Variants in FOXK1 observed in about 807,000 individuals in gnomAD.
The protein encoded by FOXK1 is forkhead box K1, also known as forkhead box protein K1.
In FOXK1, 19 loss-of-function variants were observed where a neutral mutation model predicts 51.9. The observed-to-expected ratio is 0.37, with a 90% CI of 0.26 to 0.54. The LOEUF (loss-of-function observed/expected upper bound fraction) is 0.54, where lower values mean the gene tolerates loss of function less well. FOXK1 is among the 20% of genes least tolerant of loss of function. FOXK1 has a pLI of 0.87. For synonymous variants in FOXK1, 537 were observed against 482.6 expected (o/e 1.11, Z -1.48); for missense variants, 870 against 1,032.7 (o/e 0.84, Z 2.16).
intron 1 of FOXK1, among the ~76,000 whole-genome samples, chr7:4,702,066 C>G (rs927953917): frequency 3.9e-5 from 6 of 152,124 alleles, no homozygotes; most frequent in African/African-American, 1.4e-4. Flanking sequence ...CAGAGCAAGA[C>G]CCTGTCTCAA....
rs1350796135 is a variant in FOXK1 at position 4,703,689 on chromosome 7, C to T, written c.560+20821C>T. On this transcript the variant is annotated intron_variant, in intron 1 of 8. Transcript: ENST00000328914. The surrounding 1 kb of genome is among the most constrained non-coding windows in gnomAD (Gnocchi z 5.6). ...GTAGAGCTGCAGCTGGGGACTGGTG[C>T]GCCATGCAATTGACATAGCGCTGCT... 1.3e-5 allele frequency among the ~76,000 whole-genome samples: 2 copies of T among 152,150 alleles called. No individual in the cohort carries two copies. Among genetic ancestry groups the T allele is most frequent in the African/African-American group, 2.4e-5 (1 of 41,438 alleles).
At chr7:4,720,010 T>C (rs1483279736) in intron 1 of FOXK1, among the ~76,000 whole-genome samples, 1 of 152,222 alleles carries the variant, frequency 6.6e-6, no homozygotes, top group Admixed American at 6.5e-5. Flanking sequence ...TGACGTCCGA[T>C]GTGTTGAGTT....
chr7:4,721,589 CTTTTT>C (rs200132324), intron 1 of FOXK1, among the ~76,000 whole-genome samples: 5 of 112,654 alleles, frequency 4.4e-5, no homozygotes, highest in African/African-American at 2.0e-4. Flanking sequence ...TCTTTTTTTT[CTTTTT>C]TTTTTTTTTT....
At chr7:4,691,665 G>T (rs1429664123) in intron 1 of FOXK1, among the ~76,000 whole-genome samples, 5 of 152,112 alleles carry the variant, frequency 3.3e-5, no homozygotes, top group Non-Finnish European at 7.4e-5. Flanking sequence ...TGATTAAGAA[G>T]AATCTCGTCT....
Position 4,683,692 on chromosome 7 carries a change from C to T in FOXK1, c.560+824C>T, listed in dbSNP as rs1779782502. Among the ~76,000 whole-genome samples, 3 of 152,102 alleles carry T rather than the reference C, an allele frequency of 2.0e-5. No individual in the cohort carries two copies. The highest frequency in any genetic ancestry group is 6.6e-5 in the Admixed American group (1 of 15,264). On this transcript the variant is annotated intron_variant, in intron 1 of 8. Coordinates refer to ENST00000328914, the MANE Select transcript of FOXK1 (RefSeq NM_001037165.2). The surrounding 1 kb of genome is among the most constrained non-coding windows in gnomAD (Gnocchi z 4.5). The stretch of plus-strand genomic sequence containing the variant: ...AAGTCACCCCAGTGCCTGATGCCTG[C>T]CGTCCTGGACCCCAGTGGCTACCCC...
intron 1 of FOXK1, among the ~76,000 whole-genome samples, chr7:4,700,975 G>A (rs1337790835): frequency 6.6e-6 from 1 of 152,218 alleles, no homozygotes; most frequent in African/African-American, 2.4e-5. Flanking sequence ...GGTTGTTGCA[G>A]GGCAGTGGGA....
chr7:4,728,882 C>G (rs1350093702), intron 1 of FOXK1, among the ~76,000 whole-genome samples: 1 of 152,156 alleles, frequency 6.6e-6, no homozygotes, highest in African/African-American at 2.4e-5. Context: ...TGCAGATAAA[C>G]CAGCGTCTGG....
chr7:4,724,778 T>G (rs1455172516), intron 1 of FOXK1, among the ~76,000 whole-genome samples: 4 of 152,172 alleles, frequency 2.6e-5, no homozygotes, highest in Non-Finnish European at 5.9e-5. Context: ...TATGTTTCCA[T>G]TCCAGAGGGG....
At position 4,754,468 on chromosome 7, in the gene FOXK1, C is replaced by T. The variant is rs1336156801; in HGVS notation, c.756C>T (p.Asn252=). 1 of 1,612,984 alleles carries T rather than the reference C, an allele frequency of 6.2e-7. No individual in the cohort carries two copies. Among genetic ancestry groups the T allele is most frequent in the Non-Finnish European group, 8.5e-7 (1 of 1,179,980 alleles). ...PSPTGTISVP[N]SCPASPRGAG... ...CCTTCTCTCTCCTCAGTGTCCCCAA[C>T]TCCTGCCCAGCCAGTCCACGCGGTG... Residue 252 remains asparagine (N), a synonymous_variant, in exon 3 of 9, where the codon AAC becomes AAT. Transcript: ENST00000328914.
intron 7 of FOXK1, chr7:4,759,829 G>C: frequency 3.4e-6 from 2 of 589,484 alleles, no homozygotes; most frequent in Non-Finnish European, 5.9e-6. Context: ...TCCGGAGTTC[G>C]AGGTCAGCCT....
chr7:4,713,782 A>AC (rs889360243), intron 1 of FOXK1, among the ~76,000 whole-genome samples: 2 of 150,784 alleles, frequency 1.3e-5, no homozygotes, highest in Non-Finnish European at 3.0e-5. Context: ...GAGCCACCGC[A>AC]CCCAGCCCCG....
At chr7:4,697,192 A>G (rs1779964130) in intron 1 of FOXK1, among the ~76,000 whole-genome samples, 1 of 152,176 alleles carries the variant, frequency 6.6e-6, no homozygotes, top group African/African-American at 2.4e-5. Context: ...ATCTGGAGGA[A>G]AAGAGGGAGG....
rs1780717895 is a variant in FOXK1, at chr7:4,747,365, C to T, written c.746+6342C>T. 1.3e-5 allele frequency among the ~76,000 whole-genome samples: 2 copies of T among 152,190 alleles called. No homozygotes were observed. The highest frequency in any genetic ancestry group is 2.9e-5 in the Non-Finnish European group (2 of 68,034). On this transcript the variant is annotated intron_variant, in intron 2 of 8. Coordinates refer to ENST00000328914, the MANE Select transcript of FOXK1 (RefSeq NM_001037165.2). The surrounding 1 kb of genome is among the most constrained non-coding windows in gnomAD (Gnocchi z 9.2). ...GCGGGGCCGCCTCTCCGCTCAAGCACCCACTCAGCTCTGTGAGGTCTATGC... is the reference window on the plus strand; with the variant it reads ...GCGGGGCCGCCTCTCCGCTCAAGCATCCACTCAGCTCTGTGAGGTCTATGC...
chr7:4,687,772 A>G (rs1314518352), intron 1 of FOXK1, among the ~76,000 whole-genome samples: 1 of 152,250 alleles, frequency 6.6e-6, no homozygotes, highest in African/African-American at 2.4e-5. Context: ...TTGAATAATT[A>G]CAATGAGAAC....
In FOXK1 at chr7:4,753,634, T is replaced by C. The variant is rs1362702727; in HGVS notation, c.747-825T>C. Among the ~76,000 whole-genome samples, 1 of 152,224 alleles carries C rather than the reference T, an allele frequency of 6.6e-6. No homozygotes were observed. The highest frequency in any genetic ancestry group is 1.9e-4 in the East Asian group (1 of 5,192). On this transcript the variant is annotated intron_variant, in intron 2 of 8. Coordinates refer to ENST00000328914, the MANE Select transcript of FOXK1 (RefSeq NM_001037165.2). The surrounding 1 kb of genome is among the most constrained non-coding windows in gnomAD (Gnocchi z 4.9). ...TCTGCACCCACTCTTCGTGTCTTCA[T>C]TGGCTTTCTCTGAATACCTGTAATA...
chr7:4,711,704 C>T lies in FOXK1; in HGVS notation c.560+28836C>T, dbSNP rs1311105165. On this transcript the variant is annotated intron_variant, in intron 1 of 8. Transcript: ENST00000328914. This position sits in a 1 kb window ranked among gnomAD's most constrained non-coding sequence, Gnocchi z 6.3. ...CATAAGGGGTGGGCAGTGGTGCTGC[C>T]GTGTCTTGTCAGGAGGCCAGCTCTG... Among the ~76,000 whole-genome samples the T allele has an allele frequency of 6.6e-6, 1 of 152,194 alleles. No homozygotes were observed. The highest frequency in any genetic ancestry group is 1.5e-5 in the Non-Finnish European group (1 of 68,036).
Position 4,758,905 on chromosome 7 carries a change from C to T in FOXK1, c.1245-146C>T, listed in dbSNP as rs970582662. The T allele has an allele frequency of 3.1e-5, 25 of 807,230 alleles. No homozygotes were observed. Among genetic ancestry groups the T allele is most frequent in the Non-Finnish European group, 4.4e-5 (23 of 526,050 alleles). 50.0% of individuals were successfully genotyped at this position (807,230 alleles called of 1,614,324 possible). A position where few individuals can be genotyped will look rare whatever the true frequency, so the allele number is the denominator to read the frequency against. ...AAAGGCTGGGTTCAGGTTACGGGGG[C>T]GTTTCTCACCGTCTGAATGCGGAGG... On this transcript the variant is annotated intron_variant, in intron 5 of 8. Transcript: ENST00000328914. The surrounding 1 kb of genome is among the most constrained non-coding windows in gnomAD (Gnocchi z 4.4).
intron 1 of FOXK1, among the ~76,000 whole-genome samples, chr7:4,710,490 G>T (rs899411661): frequency 1.3e-5 from 2 of 152,214 alleles, no homozygotes; most frequent in Non-Finnish European, 2.9e-5. Context: ...CAGGAGAATC[G>T]CTTGAAGCCA....
rs1216696658 is a variant in FOXK1, at chr7:4,733,625, G to A, written c.561-7213G>A. 2.0e-5 allele frequency among the ~76,000 whole-genome samples: 3 copies of A among 152,226 alleles called. No individual in the cohort carries two copies. The highest frequency in any genetic ancestry group is 7.2e-5 in the African/African-American group (3 of 41,464). On this transcript the variant is annotated intron_variant, in intron 1 of 8. Transcript: ENST00000328914. The surrounding 1 kb of genome is among the most constrained non-coding windows in gnomAD (Gnocchi z 5.0). ...TTTCTCTGTCTCCATGTTTGCTATAGAAGCAGGAGAGAAGGTGCTCTGGGA... is the reference window on the plus strand; with the variant it reads ...TTTCTCTGTCTCCATGTTTGCTATAAAAGCAGGAGAGAAGGTGCTCTGGGA...
Sources: allele counts gnomAD v4.1 joint callset (sites outside exome capture counted in the v4.1 genomes callset), GRCh38; gene constraint gnomAD v4.1.1; non-coding constraint Gnocchi (gnomAD v3.1); transcripts MANE v1.5; gene names NCBI Gene and HGNC (gene_info 2026-07-23, HGNC 2026-07-21).